Variants in TRANK1 observed in about 807,000 individuals in gnomAD.
TRANK1 encodes TPR and ankyrin repeat-containing protein 1.
In TRANK1, 198 loss-of-function variants were observed where a neutral mutation model predicts 266.0. The ratio of observed to expected loss-of-function variants is 0.74; its 90% CI spans 0.66 to 0.84. The LOEUF is 0.84. TRANK1 is among the 40% of genes least tolerant of loss of function. TRANK1 has a pLI of 0.00. For synonymous variants in TRANK1, 1,396 were observed against 1,384.1 expected (o/e 1.01, Z -0.19); for missense variants, 3,326 against 3,634.6 (o/e 0.92, Z 2.18).
intron 18 of TRANK1, 33 bp downstream of exon 18, chr3:36,842,589 G>A: frequency 6.3e-7 from 1 of 1,591,456 alleles, no homozygotes; most frequent in Non-Finnish European, 8.6e-7. Flanking sequence ...GAGGGCACCA[G>A]TGACAAGGAC....
At chr3:36,899,774 A>G (rs1388627508) in intron 3 of TRANK1, among the ~76,000 whole-genome samples, 1 of 152,224 alleles carries the variant, frequency 6.6e-6, no homozygotes, top group African/African-American at 2.4e-5. Context: ...TTTCAAATCC[A>G]TGACTTACAT....
At position 36,831,795 on chromosome 3, in the gene TRANK1, C is replaced by T. The variant is rs749849648; in HGVS notation, c.7788G>A (p.Leu2596=). The T allele has an allele frequency of 6.2e-6, 10 of 1,613,990 alleles. No individual in the cohort carries two copies. The highest frequency in any genetic ancestry group is 2.5e-6 in the Non-Finnish European group (3 of 1,179,882). ...YRHFREIESR[L]QLMSMDCPGQ... ...CAGGGCAGTCCATGCTCATGAGCTG[C>T]AGCCTTGACTCAATCTCCCGGAAGT... Residue 2596 remains leucine, a synonymous_variant, in exon 22 of 24, where the codon CTG becomes CTA. Coordinates refer to ENST00000645898, the MANE Select transcript of TRANK1 (RefSeq NM_001329998.2). The surrounding 1 kb of genome is among the most constrained non-coding windows in gnomAD (Gnocchi z 5.0).
chr3:36,835,617 A>C (rs1030143675), intron 20 of TRANK1, among the ~76,000 whole-genome samples: 2 of 152,238 alleles, frequency 1.3e-5, no homozygotes, highest in African/African-American at 2.4e-5. Flanking sequence ...AAACTGATAC[A>C]TCAAAACTGC....
intron 1 of TRANK1, among the ~76,000 whole-genome samples, chr3:36,909,966 G>A (rs2080028428): frequency 6.6e-6 from 1 of 152,160 alleles, no homozygotes; most frequent in Non-Finnish European, 1.5e-5. Flanking sequence ...TTCAAATATT[G>A]TCGGCCATTT....
Position 36,899,146 on chromosome 3 carries a change from A to C in TRANK1, c.396T>G (p.Val132=). ...LVQRSQDQAP[V]ADFLVGVFTT... ...TGAAGACTCCAACAAGGAAATCAGC[A>C]ACCGGTGCCTGGTCTTGGCTTCTCT... Residue 132 remains valine, a synonymous_variant, in exon 4 of 24, where the codon GTT becomes GTG. Transcript: ENST00000645898. The C allele has an allele frequency of 6.5e-7, 1 of 1,537,288 alleles. No homozygotes were observed.
chr3:36,833,258 T>C lies in TRANK1; in HGVS notation c.6325A>G (p.Met2109Val), dbSNP rs757316847. 6.2e-7 allele frequency: 1 copy of C among 1,614,014 alleles called. No homozygotes were observed. Among genetic ancestry groups the C allele is most frequent in the Non-Finnish European group, 8.5e-7 (1 of 1,179,888 alleles). The change falls in exon 22 of 24, where the codon ATG becomes GTG. Residue 2109 changes from methionine to valine, a missense_variant. Coordinates refer to ENST00000645898, the MANE Select transcript of TRANK1 (RefSeq NM_001329998.2). ...AAAAACTCAAAGCAAGATTTGACCA[T>C]TTCCTTCTCAGCATTGTTGGTCACT... is the stretch of plus-strand genomic sequence containing the variant. ...KRVTNNAEKEMVKSCFEFFGI... is the reference protein window; with the variant it reads ...KRVTNNAEKEVVKSCFEFFGI...
intron 9 of TRANK1, among the ~76,000 whole-genome samples, chr3:36,867,655 C>A (rs1484153210): frequency 6.6e-6 from 1 of 152,186 alleles, no homozygotes; most frequent in Admixed American, 6.5e-5. Flanking sequence ...GCATTATAAT[C>A]AAGAGTTTTT....
At chr3:36,902,854 C>T (rs895363762) in intron 3 of TRANK1, among the ~76,000 whole-genome samples, 8 of 152,248 alleles carry the variant, frequency 5.3e-5, no homozygotes, top group African/African-American at 1.7e-4. Flanking sequence ...GGAGGCCAAG[C>T]TCTGCTGTTC....
chr3:36,896,104 T>C (rs2125612778), intron 4 of TRANK1, among the ~76,000 whole-genome samples: 1 of 152,330 alleles, frequency 6.6e-6, no homozygotes, highest in South Asian at 2.1e-4. Flanking sequence ...GAAGCTTAAG[T>C]TACAAAACTC....
At chr3:36,828,573 T>C (rs1411610614) in intron 23 of TRANK1, among the ~76,000 whole-genome samples, 198 bp from the exon 24 acceptor site, 1 of 152,108 alleles carries the variant, frequency 6.6e-6, no homozygotes, top group East Asian at 1.9e-4. Context: ...TAATCATTGG[T>C]TTAAATTAAT....
intron 20 of TRANK1, 122 bp downstream of exon 20, chr3:36,838,250 A>T: frequency 7.0e-7 from 1 of 1,434,044 alleles, no homozygotes; most frequent in Non-Finnish European, 9.4e-7. Flanking sequence ...TCGCAGGGCC[A>T]GTGTCTCCCT....
Position 36,930,252 on chromosome 3 carries a change from G to A in TRANK1, c.23+14535C>T, listed in dbSNP as rs1034774001. Among the ~76,000 whole-genome samples, 4 of 152,208 alleles carry A rather than the reference G, an allele frequency of 2.6e-5. No individual in the cohort carries two copies. The South Asian group carries it at 8.3e-4, about 32-fold the overall frequency. On this transcript the variant is annotated intron_variant, in intron 1 of 23. Coordinates refer to ENST00000645898, the MANE Select transcript of TRANK1 (RefSeq NM_001329998.2). ...TGAAGGCGGAGCGGGGAGGAGTGATGAGGAACGTGGGTCACCTTAAGGAAC... is the reference window on the plus strand; with the variant it reads ...TGAAGGCGGAGCGGGGAGGAGTGATAAGGAACGTGGGTCACCTTAAGGAAC...
chr3:36,923,356 T>C (rs2125652320), intron 1 of TRANK1, among the ~76,000 whole-genome samples: 1 of 151,582 alleles, frequency 6.6e-6, no homozygotes, highest in African/African-American at 2.4e-5. Context: ...CCCAGGTTCA[T>C]GCAACTCTTC....
At chr3:36,940,499 CAA>C (rs144323903) in intron 1 of TRANK1, among the ~76,000 whole-genome samples, 9 of 141,316 alleles carry the variant, frequency 6.4e-5, no homozygotes, top group Admixed American at 7.0e-5. Context: ...GAATCTGTTT[CAA>C]AAAAAAAAAA....
chr3:36,837,894 A>T (rs1291447418), intron 20 of TRANK1, among the ~76,000 whole-genome samples: 1 of 152,152 alleles, frequency 6.6e-6, no homozygotes, highest in African/African-American at 2.4e-5. Context: ...TAATATTATT[A>T]TATTTTAATT....
chr3:36,840,045 C>G (rs2078822480), intron 18 of TRANK1, among the ~76,000 whole-genome samples: 1 of 152,012 alleles, frequency 6.6e-6, no homozygotes, highest in South Asian at 2.1e-4. Context: ...ATTTTAGATT[C>G]AAATATTCAA....
chr3:36,861,493 T>C (rs909397620), intron 10 of TRANK1, among the ~76,000 whole-genome samples: 4 of 152,040 alleles, frequency 2.6e-5, no homozygotes, highest in Admixed American at 6.6e-5. Flanking sequence ...ATATTAAGAG[T>C]GTCCTTTCCT....
At position 36,864,317 on chromosome 3, in the gene TRANK1, A is replaced by G. The variant is rs781336246; in HGVS notation, c.1240+2T>C. On this transcript the variant is annotated splice_donor_variant, in intron 10 of 23. Coordinates refer to ENST00000645898, the MANE Select transcript of TRANK1 (RefSeq NM_001329998.2). LOFTEE classifies it high-confidence loss of function. ...ATCATTGAACGTTGTGGAAAAAATTACCTTGCAGAGTAGAAAGGAGACGCA... is the reference window on the plus strand; with the variant it reads ...ATCATTGAACGTTGTGGAAAAAATTGCCTTGCAGAGTAGAAAGGAGACGCA... 4 of 1,507,516 alleles carry G rather than the reference A, an allele frequency of 2.7e-6. No individual in the cohort carries two copies. The highest frequency in any genetic ancestry group is 3.5e-6 in the Non-Finnish European group (4 of 1,136,784). 93.4% of individuals were successfully genotyped at this position (1,507,516 alleles called of 1,614,324 possible).
intron 8 of TRANK1, among the ~76,000 whole-genome samples, chr3:36,877,180 G>C (rs1253060818): frequency 2.0e-5 from 3 of 152,214 alleles, no homozygotes; most frequent in African/African-American, 7.2e-5. Context: ...TGGGGTTTAA[G>C]TTAGCAATAG....
Sources: allele counts gnomAD v4.1 joint callset (sites outside exome capture counted in the v4.1 genomes callset), GRCh38; gene constraint gnomAD v4.1.1; non-coding constraint Gnocchi (gnomAD v3.1); transcripts MANE v1.5; gene names NCBI Gene and HGNC (gene_info 2026-07-23, HGNC 2026-07-21).